Variants in ATP8A1 observed in about 807,000 individuals in gnomAD.
ATP8A1 encodes phospholipid-transporting ATPase IA.
A neutral mutation model predicts 177.7 loss-of-function variants in ATP8A1; 90 were observed. That is an observed-to-expected ratio of 0.51 (90% CI 0.43 to 0.60). The LOEUF (loss-of-function observed/expected upper bound fraction) is 0.60, where lower values mean the gene tolerates loss of function less well. Ranked by LOEUF, ATP8A1 falls within the 20% of genes least tolerant of loss-of-function variation. The pLI is 0.00. For missense variants in ATP8A1, 1,072 were observed against 1,392.8 expected (o/e 0.77, Z 3.67); for synonymous variants, 493 against 485.9 (o/e 1.01, Z -0.19).
At chr4:42,450,400 G>C (rs1230804757) in intron 30 of ATP8A1, among the ~76,000 whole-genome samples, 2 of 152,156 alleles carry the variant, frequency 1.3e-5, no homozygotes, top group Admixed American at 6.5e-5. Context: ...TCAGATAGTG[G>C]TGACATCTGC....
chr4:42,616,085 T>A lies in ATP8A1; in HGVS notation c.364-7A>T. 3.1e-6 allele frequency: 5 copies of A among 1,610,004 alleles called. No homozygotes were observed. The highest frequency in any genetic ancestry group is 4.2e-6 in the Non-Finnish European group (5 of 1,178,426). ...TATCAGCTTTATGTCGTTTCTAAAG[T>A]TTAAAAGCAAAAAGAACAACTGTGA... On this transcript the variant is annotated splice_region_variant and splice_polypyrimidine_tract_variant and intron_variant, in intron 4 of 36. Transcript: ENST00000381668.
At chr4:42,501,352 T>A (rs560086251) in intron 24 of ATP8A1, among the ~76,000 whole-genome samples, 1 of 152,340 alleles carries the variant, frequency 6.6e-6, no homozygotes, top group South Asian at 2.1e-4. Context: ...AAGGTTACAT[T>A]CTCCTTACTT....
chr4:42,515,239 A>G (rs1725414587), intron 22 of ATP8A1, among the ~76,000 whole-genome samples: 1 of 152,242 alleles, frequency 6.6e-6, no homozygotes, highest in African/African-American at 2.4e-5. Flanking sequence ...GGAATTTTAA[A>G]CCACGAAATC....
chr4:42,543,481 A>G (rs1728607347), intron 20 of ATP8A1, among the ~76,000 whole-genome samples: 1 of 152,222 alleles, frequency 6.6e-6, no homozygotes, highest in Non-Finnish European at 1.5e-5. Context: ...AGAAATTGTT[A>G]TAATTAAAAC....
chr4:42,552,808 G>A (rs1260897334), intron 16 of ATP8A1, among the ~76,000 whole-genome samples, 198 bp from the exon 17 acceptor site: 3 of 152,148 alleles, frequency 2.0e-5, no homozygotes, highest in South Asian at 2.1e-4. Context: ...GTGAAACCCC[G>A]TCTCTACTGA....
intron 24 of ATP8A1, among the ~76,000 whole-genome samples, chr4:42,498,292 ATAATACATG>A (rs2153192237): frequency 6.6e-6 from 1 of 152,326 alleles, no homozygotes; most frequent in South Asian, 2.1e-4. Flanking sequence ...GTCTGTCCGC[ATAATACATG>A]TAAGTTGAGC....
rs773007378 is a variant in ATP8A1 at position 42,443,667 on chromosome 4, G to A, written c.3021C>T (p.Ser1007=). Residue 1007 remains serine (S), a synonymous_variant, in exon 33 of 37, where the codon AGC becomes AGT. Coordinates refer to ENST00000381668, the MANE Select transcript of ATP8A1 (RefSeq NM_006095.2). ...CGATGCTCCCCCATATCGCTATGTG[G>A]CTGAACTGTAGAGCAAGGAAATCTG... ...GLETSYWTWF[S]HIAIWGSIAL... 9 of 1,460,326 alleles carry A rather than the reference G, an allele frequency of 6.2e-6. No homozygotes were observed. The East Asian group carries it at 2.0e-4, about 33-fold the overall frequency. The allele number at this position is 1,460,326 out of a possible 1,614,324, so 90.5% of individuals were successfully genotyped here.
chr4:42,499,246 A>T (rs568041199), intron 24 of ATP8A1, among the ~76,000 whole-genome samples: 48 of 152,338 alleles, frequency 3.2e-4, no homozygotes, highest in Admixed American at 2.9e-3. Context: ...TTTTGAGGGT[A>T]GGAAATTTAT....
chr4:42,565,826 T>A (rs575083688), intron 15 of ATP8A1, among the ~76,000 whole-genome samples: 1 of 152,266 alleles, frequency 6.6e-6, no homozygotes, highest in African/African-American at 2.4e-5. Context: ...TAGAAATATA[T>A]AGTTTTAGAA....
chr4:42,620,353 A>T (rs1737343898), intron 4 of ATP8A1, among the ~76,000 whole-genome samples: 1 of 152,248 alleles, frequency 6.6e-6, no homozygotes, highest in African/African-American at 2.4e-5. Flanking sequence ...TGATACTATT[A>T]TCTCACAATA....
At chr4:42,436,255 G>A (rs1319054851) in intron 33 of ATP8A1, among the ~76,000 whole-genome samples, 1 of 151,936 alleles carries the variant, frequency 6.6e-6, no homozygotes, top group Non-Finnish European at 1.5e-5. Flanking sequence ...TTGAGGACAA[G>A]GCCAATTCCA....
intron 9 of ATP8A1, 131 bp downstream of exon 9, chr4:42,586,218 A>G: frequency 2.0e-6 from 2 of 983,050 alleles, no homozygotes; most frequent in Non-Finnish European, 2.9e-6. Flanking sequence ...CAGAATAAAA[A>G]TGCTTTAAAA....
chr4:42,514,587 C>T (rs1158202905), intron 22 of ATP8A1, among the ~76,000 whole-genome samples: 1 of 152,104 alleles, frequency 6.6e-6, no homozygotes, highest in Admixed American at 6.6e-5. Context: ...CTGATGAGCC[C>T]CACTTCTCAC....
intron 33 of ATP8A1, among the ~76,000 whole-genome samples, chr4:42,435,808 C>T (rs112236286): frequency 4.1e-4 from 62 of 152,276 alleles, no homozygotes; most frequent in African/African-American, 1.3e-3. Context: ...TCAGCTTAAC[C>T]GTCCCAACTT....
intron 20 of ATP8A1, among the ~76,000 whole-genome samples, chr4:42,528,561 A>G (rs1726944353): frequency 6.6e-6 from 1 of 151,986 alleles, no homozygotes; most frequent in Non-Finnish European, 1.5e-5. Context: ...TGAGCATATT[A>G]ACACATCTCC....
At chr4:42,478,567 A>G (rs28561425) in intron 25 of ATP8A1, among the ~76,000 whole-genome samples, 1 of 48,228 alleles carries the variant, frequency 2.1e-5, no homozygotes, top group Non-Finnish European at 5.9e-5. Context: ...CACACACAAA[A>G]AAAAAACCAC....
chr4:42,424,449 G>C (rs906553714), intron 33 of ATP8A1, among the ~76,000 whole-genome samples: 2 of 151,930 alleles, frequency 1.3e-5, no homozygotes, highest in African/African-American at 2.4e-5. Context: ...TTTATCAAGA[G>C]GAAATTTTTA....
chr4:42,448,530 T>TG (rs1304701380), intron 30 of ATP8A1, among the ~76,000 whole-genome samples: 4 of 151,312 alleles, frequency 2.6e-5, no homozygotes, highest in African/African-American at 9.7e-5. Flanking sequence ...CTTGAGTAGT[T>TG]GGGGTTACAG....
At chr4:42,596,441 G>T (rs905214287) in intron 6 of ATP8A1, among the ~76,000 whole-genome samples, 1 of 151,802 alleles carries the variant, frequency 6.6e-6, no homozygotes, top group East Asian at 1.9e-4. Context: ...AGACTGAGGC[G>T]GGCGGATCAC....
Sources: allele counts gnomAD v4.1 joint callset (sites outside exome capture counted in the v4.1 genomes callset), GRCh38; gene constraint gnomAD v4.1.1; transcripts MANE v1.5; gene names NCBI Gene and HGNC (gene_info 2026-07-23, HGNC 2026-07-21).